UBAP2: variants seen among roughly 807,000 people sequenced by gnomAD.
The protein encoded by UBAP2 is ubiquitin-associated protein 2.
Under a neutral mutation model 139.6 loss-of-function variants are expected in UBAP2, and 75 were observed. The ratio of observed to expected loss-of-function variants is 0.54; its 90% CI spans 0.45 to 0.65. The LOEUF is 0.65. UBAP2 is among the 30% of genes least tolerant of loss of function. The probability of loss-of-function intolerance (pLI) is 0.00; values close to 1 mark genes in which losing one functional copy is unlikely to be tolerated. For synonymous variants in UBAP2, 526 were observed against 526.2 expected (o/e 1.00, Z 0.01); for missense variants, 1,368 against 1,369.6 (o/e 1.00, Z 0.02).
At chr9:33,975,801 CAAAA>C (rs556958048) in intron 6 of UBAP2, among the ~76,000 whole-genome samples, 5 of 72,326 alleles carry the variant, frequency 6.9e-5, no homozygotes, top group African/African-American at 6.0e-5. Context: ...GACTCCGTCT[CAAAA>C]AAAAAAAAAA....
At chr9:33,956,317 A>ATTT (rs55858327) in intron 10 of UBAP2, among the ~76,000 whole-genome samples, 171 bp from the exon 11 acceptor site, 1 of 134,024 alleles carries the variant, frequency 7.5e-6, no homozygotes. Context: ...AGTGAATGCA[A>ATTT]TTTTTTTTTT....
At chr9:33,968,951 T>C (rs1827680513) in intron 8 of UBAP2, among the ~76,000 whole-genome samples, 1 of 152,218 alleles carries the variant, frequency 6.6e-6, no homozygotes, top group Admixed American at 6.5e-5. Flanking sequence ...ATGTGGTCTT[T>C]CTGTGACTCT....
At chr9:33,928,114 C>T (rs1425802227) in intron 19 of UBAP2, 122 bp from the exon 20 acceptor site, 10 of 1,022,648 alleles carry the variant, frequency 9.8e-6, no homozygotes, top group Non-Finnish European at 1.1e-5. Context: ...GATGTAACCA[C>T]CCAGGCTCCC....
chr9:33,995,348 C>CTG (rs67828973), intron 4 of UBAP2: 1 of 538 alleles, frequency 1.9e-3, no homozygotes, highest in African/African-American at 2.5e-3. Context: ...CAGAGTGAGG[C>CTG]TGTCTCAAAA....
chr9:34,048,648 T>C (rs1226674105), intron 1 of UBAP2, among the ~76,000 whole-genome samples, 177 bp downstream of exon 1: 1 of 151,814 alleles, frequency 6.6e-6, no homozygotes, highest in Admixed American at 6.6e-5. Context: ...AGCCCGGGCC[T>C]GGACGTAGAG....
chr9:33,973,167 G>T lies in UBAP2; in HGVS notation c.575+16C>A. On this transcript the variant is annotated intron_variant, in intron 7 of 28. Coordinates refer to ENST00000379238, the MANE Select transcript of UBAP2 (RefSeq NM_001370062.2). ...GGGAAGTAAATAATTATAAAAATAG[G>T]ATGGCTATCACTTACCCCATGCCTT... 15 of 1,611,810 alleles carry T rather than the reference G, an allele frequency of 9.3e-6. No individual in the cohort carries two copies. Among genetic ancestry groups the T allele is most frequent in the Non-Finnish European group, 1.3e-5 (15 of 1,178,568 alleles).
At chr9:33,986,733 ATT>A (rs148986402) in intron 6 of UBAP2, 25 bp downstream of exon 6, 153,838 of 1,604,166 alleles carry the variant, frequency 0.096, 8,753 homozygotes, top group Non-Finnish European at 0.11. Context: ...AATTGAAAGC[ATT>A]TTCTTCCCTC....
intron 1 of UBAP2, among the ~76,000 whole-genome samples, chr9:34,026,893 T>C (rs896756353): frequency 6.6e-6 from 1 of 152,104 alleles, no homozygotes; most frequent in Non-Finnish European, 1.5e-5. Context: ...TAAATAATAG[T>C]TCCCAATTCA....
intron 19 of UBAP2, chr9:33,928,250 A>C: frequency 5.0e-6 from 2 of 397,198 alleles, no homozygotes; most frequent in South Asian, 7.5e-5. Flanking sequence ...AATGACCACA[A>C]CTCTCTGTAA....
In UBAP2 at chr9:33,986,812, A is replaced by C. The variant is rs759838241; in HGVS notation, c.468T>G (p.Asp156Glu). The change falls in exon 6 of 29, where the codon GAT becomes GAG. Residue 156 changes from aspartate to glutamate, a missense_variant. Transcript: ENST00000379238. ...CTGAAGGTTTGTCCACTTGATTGCA[A>C]TCAATTCCATTTTCTTCACCTCTAA... ...REFRGEENGI[D>E]CNQVDKPSDR... The C allele has an allele frequency of 6.2e-7, 1 of 1,614,150 alleles. No homozygotes were observed. The highest frequency in any genetic ancestry group is 1.1e-5 in the South Asian group (1 of 91,092).
chr9:33,922,301 C>T lies in UBAP2; in HGVS notation c.*203G>A. 1 of 584,056 alleles carries T rather than the reference C, an allele frequency of 1.7e-6. No homozygotes were observed. The allele number at this position is 584,056 out of a possible 1,614,324, so 36.2% of individuals were successfully genotyped here. On this transcript the variant is annotated 3_prime_UTR_variant, in exon 29 of 29. Transcript: ENST00000379238. The stretch of plus-strand genomic sequence containing the variant: ...AACATCTGCCGCCATCCCCCAACTC[C>T]CCCCCAGACTTCTATCACATTTACA...
Position 33,944,458 on chromosome 9 carries a change from G to A in UBAP2, c.1452C>T (p.Pro484=). 1 of 1,614,122 alleles carries A rather than the reference G, an allele frequency of 6.2e-7. No homozygotes were observed. Among genetic ancestry groups the A allele is most frequent in the African/African-American group, 1.3e-5 (1 of 74,992 alleles). ...CAGAGATATTTTCAATGGTCGTGCT[G>A]GGAAGCTGCAAAAGCTTGTTCACAG... ...PSTVNKLLQL[P]STTIENISVS... The change falls in exon 14 of 29, where the codon CCC becomes CCT. Residue 484 remains proline (P), a synonymous_variant. Coordinates refer to ENST00000379238, the MANE Select transcript of UBAP2 (RefSeq NM_001370062.2).
intron 10 of UBAP2, among the ~76,000 whole-genome samples, chr9:33,960,475 C>T (rs879893090): frequency 2.0e-5 from 3 of 151,956 alleles, no homozygotes; most frequent in Non-Finnish European, 2.9e-5. Flanking sequence ...CACCAAACAC[C>T]GAAAGAAAGA....
At chr9:33,963,156 A>T (rs1398075088) in intron 9 of UBAP2, among the ~76,000 whole-genome samples, 2 of 152,184 alleles carry the variant, frequency 1.3e-5, no homozygotes, top group Non-Finnish European at 2.9e-5. Context: ...AAAAACAGCG[A>T]AACAGATAGT....
intron 4 of UBAP2, 86 bp from the exon 5 acceptor site, chr9:33,989,212 T>TC: frequency 7.1e-7 from 1 of 1,417,330 alleles, no homozygotes; most frequent in East Asian, 2.6e-5. Flanking sequence ...TCTTTTTTTT[T>TC]TTTTTTTTGA....
intron 11 of UBAP2, among the ~76,000 whole-genome samples, chr9:33,954,169 A>C (rs1452207178): frequency 6.6e-6 from 1 of 151,876 alleles, no homozygotes; most frequent in Non-Finnish European, 1.5e-5. Flanking sequence ...GGCCTCCCAA[A>C]GTGCTGGAAT....
intron 6 of UBAP2, among the ~76,000 whole-genome samples, chr9:33,974,754 C>A (rs1045268894): frequency 1.3e-5 from 2 of 151,794 alleles, no homozygotes; most frequent in African/African-American, 4.8e-5. Context: ...GAGTTCAAAA[C>A]CAACCTGGCC....
At chr9:34,010,487 C>T (rs1255175864) in intron 2 of UBAP2, among the ~76,000 whole-genome samples, 1 of 149,840 alleles carries the variant, frequency 6.7e-6, no homozygotes, top group Admixed American at 6.7e-5. Flanking sequence ...CAATGACATC[C>T]ATTCTGAAGT....
At chr9:33,999,889 T>C (rs1822543666) in intron 2 of UBAP2, among the ~76,000 whole-genome samples, 1 of 74,940 alleles carries the variant, frequency 1.3e-5, no homozygotes, top group Non-Finnish European at 3.2e-5. Flanking sequence ...TATGTATGTA[T>C]GTATGTATGT....
Sources: gnomAD v4.1 joint callset for allele counts (sites outside exome capture counted in the v4.1 genomes callset) on GRCh38, gnomAD v4.1.1 for gene constraint, MANE v1.5 for transcripts, NCBI Gene and HGNC (gene_info 2026-07-23, HGNC 2026-07-21) for gene names.